Variants in TRHDE observed in about 807,000 individuals in gnomAD.
TRHDE encodes thyrotropin-releasing hormone-degrading ectoenzyme.
A neutral mutation model predicts 125.7 loss-of-function variants in TRHDE; 72 were observed. That is an observed-to-expected ratio of 0.57 (90% CI 0.47 to 0.70). TRHDE has a LOEUF of 0.70. Among genes scored for constraint, TRHDE ranks in the 30% least tolerant of loss-of-function variants. TRHDE has a pLI of 0.00. For missense variants in TRHDE, 1,110 were observed against 1,327.1 expected (o/e 0.84, Z 2.54); for synonymous variants, 509 against 509.1 (o/e 1.00, Z 0.00).
chr12:72,184,264 A>T (rs1877156382), intron 2 of TRHDE, among the ~76,000 whole-genome samples: 1 of 151,970 alleles, frequency 6.6e-6, no homozygotes, highest in Non-Finnish European at 1.5e-5. Flanking sequence ...CCTTTGCTGG[A>T]TGTACAGGCA....
chr12:72,500,849 CT>C (rs11314911), intron 6 of TRHDE, among the ~76,000 whole-genome samples: 18,660 of 109,440 alleles, frequency 0.17, 1,352 homozygotes, highest in East Asian at 0.45. Flanking sequence ...CAACTTTGTT[CT>C]TTTTTTTTTT....
intron 15 of TRHDE, among the ~76,000 whole-genome samples, chr12:72,644,858 G>A (rs1264911471): frequency 6.6e-6 from 1 of 152,092 alleles, no homozygotes; most frequent in Non-Finnish European, 1.5e-5. Context: ...CCACTGAGGG[G>A]AGAACAGAAG....
chr12:72,356,027 C>G (rs1295920683), intron 2 of TRHDE, among the ~76,000 whole-genome samples: 2 of 151,820 alleles, frequency 1.3e-5, no homozygotes, highest in Non-Finnish European at 2.9e-5. Flanking sequence ...ATCCAGCAAT[C>G]CCATTACTGG....
chr12:72,327,975 T>C (rs116584775), intron 2 of TRHDE, among the ~76,000 whole-genome samples: 69 of 152,302 alleles, frequency 4.5e-4, no homozygotes, highest in African/African-American at 1.6e-3. Flanking sequence ...TAATTGTCAT[T>C]GCTTGGCTTT....
At chr12:72,187,310 AACACACACACACACACACACAC>A (rs59164233) in intron 2 of TRHDE, among the ~76,000 whole-genome samples, 30 of 131,332 alleles carry the variant, frequency 2.3e-4, no homozygotes, top group Middle Eastern at 7.8e-3. Context: ...AGAGAAACAC[AACACACACACACACACACACAC>A]ACACACACAC....
intron 2 of TRHDE, among the ~76,000 whole-genome samples, chr12:72,118,566 G>C (rs1215265395): frequency 6.6e-6 from 1 of 152,116 alleles, no homozygotes; most frequent in Non-Finnish European, 1.5e-5. Flanking sequence ...TGGCACTGTA[G>C]AATAAGTTTG....
At chr12:72,164,296 C>T (rs533909825) in intron 2 of TRHDE, among the ~76,000 whole-genome samples, 5 of 152,224 alleles carry the variant, frequency 3.3e-5, no homozygotes, top group South Asian at 2.1e-4. Flanking sequence ...CCAACTCTGG[C>T]GACAACCACA....
intron 3 of TRHDE, among the ~76,000 whole-genome samples, chr12:72,451,975 T>C (rs1875598187): frequency 6.6e-6 from 1 of 151,994 alleles, no homozygotes. Context: ...ACTACAGGCC[T>C]GTGCCAGCAT....
intron 2 of TRHDE, among the ~76,000 whole-genome samples, chr12:72,119,589 C>T (rs1875528278): frequency 6.6e-6 from 1 of 152,112 alleles, no homozygotes; most frequent in Non-Finnish European, 1.5e-5. Flanking sequence ...AACGTTTCTT[C>T]ATTTTCTATT....
intron 7 of TRHDE, among the ~76,000 whole-genome samples, chr12:72,556,487 C>A (rs1869932156): frequency 6.6e-6 from 1 of 152,202 alleles, no homozygotes; most frequent in Non-Finnish European, 1.5e-5. Context: ...TACCACAGGA[C>A]CCTCAGTGTC....
intron 2 of TRHDE, among the ~76,000 whole-genome samples, chr12:72,314,215 C>T (rs1387506622): frequency 2.0e-5 from 3 of 152,086 alleles, no homozygotes; most frequent in Non-Finnish European, 4.4e-5. Context: ...ACCAGAACAG[C>T]AGACACCAGG....
At chr12:72,605,727 A>G (rs1010358723) in intron 12 of TRHDE, among the ~76,000 whole-genome samples, 20 of 152,274 alleles carry the variant, frequency 1.3e-4, no homozygotes, top group African/African-American at 4.8e-4. Context: ...TCTGTAAGTA[A>G]AAATGAATAT....
intron 3 of TRHDE, among the ~76,000 whole-genome samples, chr12:72,439,656 G>T (rs1874907390): frequency 6.6e-6 from 1 of 151,746 alleles, no homozygotes; most frequent in African/African-American, 2.4e-5. Flanking sequence ...GGAGTCTTTA[G>T]GGCTTTCTAT....
rs945756727 is a variant in TRHDE at position 72,513,004 on chromosome 12, C to G, written c.1722+13369C>G. 3.3e-5 allele frequency among the ~76,000 whole-genome samples: 5 copies of G among 151,948 alleles called. No homozygotes were observed. In the East Asian group the frequency reaches 9.6e-4, roughly 29 times the overall value. ...TGGCATTTGAGGAATGACTTTTAAT[C>G]AGCATAACCACACACCAATTGTTAA... On this transcript the variant is annotated intron_variant, in intron 6 of 18. Coordinates refer to ENST00000261180, the MANE Select transcript of TRHDE (RefSeq NM_013381.3).
intron 12 of TRHDE, among the ~76,000 whole-genome samples, chr12:72,590,156 A>T (rs1304556576): frequency 6.6e-6 from 1 of 151,464 alleles, no homozygotes; most frequent in African/African-American, 2.4e-5. Context: ...ATATTACTTT[A>T]TTTTTTTTGT....
intron 12 of TRHDE, among the ~76,000 whole-genome samples, chr12:72,608,300 A>G (rs1034456718): frequency 2.0e-5 from 3 of 152,194 alleles, no homozygotes; most frequent in African/African-American, 7.2e-5. Context: ...GTTGAGATGG[A>G]AAGTATTTCT....
chr12:72,645,556 C>G (rs570811240), intron 15 of TRHDE, among the ~76,000 whole-genome samples: 1 of 152,106 alleles, frequency 6.6e-6, no homozygotes, highest in African/African-American at 2.4e-5. Flanking sequence ...ACAGCTCTTT[C>G]AAAGATATAA....
chr12:72,553,849 CTTTT>C (rs56187409), intron 7 of TRHDE, among the ~76,000 whole-genome samples: 1 of 133,792 alleles, frequency 7.5e-6, no homozygotes, highest in African/African-American at 2.7e-5. Flanking sequence ...TCTTTTCCTT[CTTTT>C]TTTTTTTTTT....
intron 2 of TRHDE, among the ~76,000 whole-genome samples, chr12:72,166,112 G>C (rs530250114): frequency 1.3e-5 from 2 of 152,042 alleles, no homozygotes; most frequent in Non-Finnish European, 1.5e-5. Context: ...CTACAAACCC[G>C]TACAGTGCAA....
Sources: allele counts gnomAD v4.1 joint callset (sites outside exome capture counted in the v4.1 genomes callset), GRCh38; gene constraint gnomAD v4.1.1; transcripts MANE v1.5; gene names NCBI Gene and HGNC (gene_info 2026-07-23, HGNC 2026-07-21).